The following KHDRBS2 variants were observed in gnomAD, a reference collection of about 807,000 sequenced individuals.
The protein encoded by KHDRBS2 is KH domain-containing, RNA-binding, signal transduction-associated protein 2.
Under a neutral mutation model 44.3 loss-of-function variants are expected in KHDRBS2, and 26 were observed. The ratio of observed to expected loss-of-function variants is 0.59; its 90% CI spans 0.43 to 0.81. KHDRBS2 has a LOEUF of 0.81. Ranked by LOEUF, KHDRBS2 falls within the 40% of genes least tolerant of loss-of-function variation. The pLI, the probability that KHDRBS2 is intolerant of heterozygous loss-of-function variation, is 0.00. For synonymous variants in KHDRBS2, 194 were observed against 151.1 expected, an observed-to-expected ratio of 1.28 and a Z score of -2.08; for missense variants, 476 against 433.1, an observed-to-expected ratio of 1.10 and a Z score of -0.88.
Position 62,217,269 on chromosome 6 carries a change from C to CCT in KHDRBS2, c.92-39958_92-39957insAG, listed in dbSNP as rs1830168675. Among the ~76,000 whole-genome samples the CCT allele has an allele frequency of 2.0e-5, 3 of 151,612 alleles. No homozygotes were observed. In the South Asian group the frequency reaches 6.2e-4, roughly 32 times the overall value. ...TTTAACAATCAATCAATCCTATATT[C>CCT]AAATGACCAGAAAAAAAAGCTAAAT... On this transcript the variant is annotated intron_variant, in intron 1 of 8. Coordinates refer to ENST00000281156, the MANE Select transcript of KHDRBS2 (RefSeq NM_152688.4).
At chr6:61,858,504 T>A (rs1796465283) in intron 6 of KHDRBS2, among the ~76,000 whole-genome samples, 1 of 151,956 alleles carries the variant, frequency 6.6e-6, no homozygotes, top group South Asian at 2.1e-4. Context: ...TGTAAAGATG[T>A]AACATGAAAT....
chr6:61,922,777 C>A (rs1237895767), intron 4 of KHDRBS2, among the ~76,000 whole-genome samples: 4 of 151,986 alleles, frequency 2.6e-5, no homozygotes, highest in Non-Finnish European at 5.9e-5. Context: ...AAAAGCAAGA[C>A]CTAATAGAGT....
the KHDRBS2 span, among the ~76,000 whole-genome samples, chr6:61,547,911 G>A: frequency 6.6e-6 from 1 of 152,008 alleles, no homozygotes; most frequent in Non-Finnish European, 1.5e-5. Context: ...TATAGACAAG[G>A]GCTTGGAATA....
chr6:61,599,186 G>C, the KHDRBS2 span, among the ~76,000 whole-genome samples: 2 of 151,888 alleles, frequency 1.3e-5, no homozygotes, highest in African/African-American at 4.8e-5. Flanking sequence ...CACCTGCCTC[G>C]GCCTCCCAAA....
At chr6:61,559,300 AT>A in the KHDRBS2 span, among the ~76,000 whole-genome samples, 642 of 150,920 alleles carry the variant, frequency 4.3e-3, 5 homozygotes, top group African/African-American at 0.015. Context: ...CAGTGTATGC[AT>A]ATTTTTATAT....
intron 6 of KHDRBS2, among the ~76,000 whole-genome samples, chr6:61,877,447 T>C (rs1562353986): frequency 6.6e-6 from 1 of 151,522 alleles, no homozygotes; most frequent in Non-Finnish European, 1.5e-5. Context: ...TTTTTTGTTT[T>C]TGTTTTTGTT....
At chr6:61,721,259 C>G (rs185854499) in intron 7 of KHDRBS2, among the ~76,000 whole-genome samples, 2 of 152,084 alleles carry the variant, frequency 1.3e-5, no homozygotes. Context: ...CTGGGCGACG[C>G]GGGCTCTTTT....
intron 1 of KHDRBS2, among the ~76,000 whole-genome samples, chr6:62,283,574 G>T (rs1842087101): frequency 6.6e-6 from 1 of 152,018 alleles, no homozygotes; most frequent in African/African-American, 2.4e-5. Context: ...CTTTCCAAAT[G>T]AATATCTATG....
chr6:61,647,182 G>A, the KHDRBS2 span, among the ~76,000 whole-genome samples: 1 of 152,058 alleles, frequency 6.6e-6, no homozygotes, highest in Non-Finnish European at 1.5e-5. Context: ...ACTCTTATGA[G>A]TCTGAGGATA....
chr6:61,573,858 A>T, the KHDRBS2 span, among the ~76,000 whole-genome samples: 92 of 148,228 alleles, frequency 6.2e-4, no homozygotes, highest in Admixed American at 1.4e-3. Flanking sequence ...AAAAAGAACA[A>T]ACCTGGAAGT....
At chr6:61,866,746 C>G (rs1478466219) in intron 6 of KHDRBS2, among the ~76,000 whole-genome samples, 2 of 152,158 alleles carry the variant, frequency 1.3e-5, no homozygotes, top group Non-Finnish European at 2.9e-5. Flanking sequence ...ATTTCTTCTG[C>G]CAAATGCCCT....
At chr6:61,902,069 T>G (rs7747749) in intron 4 of KHDRBS2, among the ~76,000 whole-genome samples, 1 of 152,118 alleles carries the variant, frequency 6.6e-6, no homozygotes, top group Non-Finnish European at 1.5e-5. Context: ...AATTCTCCTA[T>G]CTCAGCCTCT....
At chr6:61,777,569 G>C (rs912676338) in intron 6 of KHDRBS2, among the ~76,000 whole-genome samples, 2 of 152,230 alleles carry the variant, frequency 1.3e-5, no homozygotes, top group East Asian at 1.9e-4. Context: ...ATTTGGGAAA[G>C]TACAGAGTAG....
chr6:62,212,467 C>T (rs1264173158), intron 1 of KHDRBS2, among the ~76,000 whole-genome samples: 1 of 151,744 alleles, frequency 6.6e-6, no homozygotes, highest in East Asian at 2.0e-4. Flanking sequence ...CATTAAAGTT[C>T]TAACCCTCTA....
In KHDRBS2 at chr6:62,177,030, A is replaced by G. The variant is rs149260109; in HGVS notation, c.219+155T>C. 1.1e-3 allele frequency among the ~76,000 whole-genome samples: 170 copies of G among 151,416 alleles called. 2 individuals are homozygous for G. The highest frequency in any genetic ancestry group is 3.9e-3 in the African/African-American group (160 of 41,490). ...AATTACCCTCACCATTGCACTTTCA[A>G]AAGTTTTCCTTCCCCTATGTCAGTA... On this transcript the variant is annotated intron_variant, in intron 2 of 8. Coordinates refer to ENST00000281156, the MANE Select transcript of KHDRBS2 (RefSeq NM_152688.4).
At chr6:61,798,290 A>G (rs1011912871) in intron 6 of KHDRBS2, among the ~76,000 whole-genome samples, 5 of 152,134 alleles carry the variant, frequency 3.3e-5, no homozygotes, top group Non-Finnish European at 1.5e-5. Context: ...ATTAAAATGC[A>G]GAATCAAAGA....
chr6:61,580,220 T>A, the KHDRBS2 span, among the ~76,000 whole-genome samples: 4 of 152,260 alleles, frequency 2.6e-5, no homozygotes, highest in Non-Finnish European at 5.9e-5. Flanking sequence ...CCAGTAAAAG[T>A]AAGAGGTGAA....
At chr6:61,904,800 CCTT>C (rs1348383774) in intron 4 of KHDRBS2, among the ~76,000 whole-genome samples, 4 of 152,094 alleles carry the variant, frequency 2.6e-5, no homozygotes, top group Non-Finnish European at 4.4e-5. Context: ...TTCCTTGGCT[CCTT>C]CTTTTTTTGT....
intron 2 of KHDRBS2, among the ~76,000 whole-genome samples, chr6:62,146,207 T>C (rs1037604340): frequency 5.3e-5 from 8 of 151,860 alleles, no homozygotes; most frequent in South Asian, 2.1e-4. Context: ...CAGAGTATCA[T>C]TGATTATTGT....
Sources: allele counts gnomAD v4.1 joint callset (sites outside exome capture counted in the v4.1 genomes callset), GRCh38; gene constraint gnomAD v4.1.1; transcripts MANE v1.5; gene names NCBI Gene and HGNC (gene_info 2026-07-23, HGNC 2026-07-21).